Variants in SV2B observed in about 807,000 individuals in gnomAD.
SV2B encodes solute carrier family 22 member B2.
A neutral mutation model predicts 73.9 loss-of-function variants in SV2B; 41 were observed. The observed-to-expected ratio is 0.56, with a 90% CI of 0.43 to 0.72. The LOEUF is 0.72. Among genes scored for constraint, SV2B ranks in the 30% least tolerant of loss-of-function variants. SV2B has a pLI of 0.00. For synonymous variants in SV2B, 314 were observed against 314.2 expected (o/e 1.00, Z 0.01); for missense variants, 764 against 857.8 (o/e 0.89, Z 1.37).
chr15:91,135,644 G>A (rs1488597135), intron 1 of SV2B, among the ~76,000 whole-genome samples: 1 of 152,156 alleles, frequency 6.6e-6, no homozygotes, highest in Non-Finnish European at 1.5e-5. Flanking sequence ...CATCCTGCCT[G>A]CTCATTCATA....
At chr15:91,213,553 G>A (rs927727359) in intron 1 of SV2B, among the ~76,000 whole-genome samples, 4 of 151,794 alleles carry the variant, frequency 2.6e-5, no homozygotes, top group Non-Finnish European at 5.9e-5. Context: ...TCTCCACCTC[G>A]AAGGCAGCAC....
Position 91,239,969 on chromosome 15 carries a change from C to A in SV2B, c.452-11850C>A, listed in dbSNP as rs2046941123. ...TCTTATGGCTTGCCTGGATTAATCA[C>A]TGGCAAGAAGAATTGGATGAAGAGG... On this transcript the variant is annotated intron_variant, in intron 2 of 12. Coordinates refer to ENST00000394232, the MANE Select transcript of SV2B (RefSeq NM_001323032.3). This position sits in a 1 kb window ranked among gnomAD's most constrained non-coding sequence, Gnocchi z 5.1. Among the ~76,000 whole-genome samples, 1 of 152,176 alleles carries A rather than the reference C, an allele frequency of 6.6e-6. No homozygotes were observed. Among genetic ancestry groups the A allele is most frequent in the Non-Finnish European group, 1.5e-5 (1 of 68,038 alleles).
At position 91,234,594 on chromosome 15, in the gene SV2B, C is replaced by T. The variant is rs1177829102; in HGVS notation, c.451+7880C>T. 1.3e-5 allele frequency among the ~76,000 whole-genome samples: 2 copies of T among 152,268 alleles called. No homozygotes were observed. Among genetic ancestry groups the T allele is most frequent in the South Asian group, 2.1e-4 (1 of 4,820 alleles). The stretch of plus-strand genomic sequence containing the variant: ...GAGGTCTACTAAACTCTTACTTGAT[C>T]TGTATAAGAGTAAACTTCTAGGTCA... On this transcript the variant is annotated intron_variant, in intron 2 of 12. Coordinates refer to ENST00000394232, the MANE Select transcript of SV2B (RefSeq NM_001323032.3). This position sits in a 1 kb window ranked among gnomAD's most constrained non-coding sequence, Gnocchi z 5.6.
Position 91,227,623 on chromosome 15 carries a change from A to G in SV2B, c.451+909A>G, listed in dbSNP as rs2046426903. 6.6e-6 allele frequency among the ~76,000 whole-genome samples: 1 copy of G among 152,234 alleles called. No individual in the cohort carries two copies. Among genetic ancestry groups the G allele is most frequent in the Admixed American group, 6.5e-5 (1 of 15,272 alleles). On this transcript the variant is annotated intron_variant, in intron 2 of 12. Coordinates refer to ENST00000394232, the MANE Select transcript of SV2B (RefSeq NM_001323032.3). This position sits in a 1 kb window ranked among gnomAD's most constrained non-coding sequence, Gnocchi z 4.5. ...TATGACCCTCAAGAGCTCAAAATCT[A>G]TCTAGCAATTCAGCTCCTTCATTCA...
At position 91,280,887 on chromosome 15, in the gene SV2B, A is replaced by T. The variant is rs2048662615; in HGVS notation, c.1374-841A>T. The stretch of plus-strand genomic sequence containing the variant: ...GCTCTCCAGATATATTTGGAAGCAT[A>T]TGTATCCATGCCCTTTCTTACCTTA... On this transcript the variant is annotated intron_variant, in intron 9 of 12. Coordinates refer to ENST00000394232, the MANE Select transcript of SV2B (RefSeq NM_001323032.3). The surrounding 1 kb of genome is among the most constrained non-coding windows in gnomAD (Gnocchi z 5.8). Among the ~76,000 whole-genome samples the T allele has an allele frequency of 6.6e-6, 1 of 152,230 alleles. No homozygotes were observed. Among genetic ancestry groups the T allele is most frequent in the Non-Finnish European group, 1.5e-5 (1 of 68,044 alleles).
chr15:91,109,254 A>G (rs1324960517), intron 1 of SV2B, among the ~76,000 whole-genome samples: 4 of 152,226 alleles, frequency 2.6e-5, no homozygotes, highest in African/African-American at 9.6e-5. Context: ...ATTCTTCCAG[A>G]CCGCTGGGGC....
rs1661670730 is a variant in SV2B, at chr15:91,253,105, T to A, written c.784+585T>A. On this transcript the variant is annotated intron_variant, in intron 4 of 12. Transcript: ENST00000394232. This position sits in a 1 kb window ranked among gnomAD's most constrained non-coding sequence, Gnocchi z 5.0. Reference sequence around the variant, plus strand: ...GCCGGGACAATTTTATTTTCCTGGATAATTGTAAACACTATTCTCTGGACA... The same window carrying A: ...GCCGGGACAATTTTATTTTCCTGGAAAATTGTAAACACTATTCTCTGGACA... 2.0e-5 allele frequency among the ~76,000 whole-genome samples: 3 copies of A among 152,240 alleles called. No homozygotes were observed. Among genetic ancestry groups the A allele is most frequent in the Admixed American group, 2.0e-4 (3 of 15,282 alleles).
chr15:91,228,839 AG>A (rs1354145382), intron 2 of SV2B, among the ~76,000 whole-genome samples: 1 of 152,236 alleles, frequency 6.6e-6, no homozygotes, highest in Middle Eastern at 3.2e-3. Context: ...AAATGGATCC[AG>A]GGGGCTGGAT....
intron 1 of SV2B, among the ~76,000 whole-genome samples, chr15:91,189,352 T>A (rs1314698599): frequency 6.6e-6 from 1 of 152,190 alleles, no homozygotes; most frequent in Non-Finnish European, 1.5e-5. Context: ...TGTATACTCA[T>A]AAAATATATG....
chr15:91,297,029 T>G lies in SV2B; in HGVS notation c.*4477T>G, dbSNP rs760291557. 5.0e-5 allele frequency: 2 copies of G among 40,374 alleles called. No homozygotes were observed. The highest frequency in any genetic ancestry group is 9.7e-5 in the Non-Finnish European group (2 of 20,650). The allele number at this position is 40,374 out of a possible 1,614,324, so 2.5% of individuals were successfully genotyped here. A position where few individuals can be genotyped will look rare whatever the true frequency, so the allele number is the denominator to read the frequency against. On this transcript the variant is annotated 3_prime_UTR_variant, in exon 13 of 13. Transcript: ENST00000394232. The surrounding 1 kb of genome is among the most constrained non-coding windows in gnomAD (Gnocchi z 5.1). ...TCTGCCCGATCGTTGGGCGCACGCT[T>G]CTTCTGCCTGATCGTTGGGCGCACG...
At position 91,118,410 on chromosome 15, in the gene SV2B, G is replaced by A. The variant is rs1238008232; in HGVS notation, c.-392+18047G>A. Among the ~76,000 whole-genome samples the A allele has an allele frequency of 6.6e-6, 1 of 152,214 alleles. No individual in the cohort carries two copies. The highest frequency in any genetic ancestry group is 1.9e-4 in the East Asian group (1 of 5,198). ...CCCATGCCAGCAAGAAAGATGGGTG[G>A]TAGTACAGTGCTAAGGGAAGAAAAG... is the stretch of plus-strand genomic sequence containing the variant. On this transcript the variant is annotated intron_variant, in intron 1 of 12. Transcript: ENST00000394232. This position sits in a 1 kb window ranked among gnomAD's most constrained non-coding sequence, Gnocchi z 4.7.
intron 1 of SV2B, among the ~76,000 whole-genome samples, chr15:91,210,813 T>C (rs1677185673): frequency 6.6e-6 from 1 of 152,238 alleles, no homozygotes; most frequent in South Asian, 2.1e-4. Context: ...GAATATCTTA[T>C]GTGTGAAGAG....
Position 91,296,794 on chromosome 15 carries a change from T to A in SV2B, c.*4242T>A, listed in dbSNP as rs2049254877. On this transcript the variant is annotated 3_prime_UTR_variant, in exon 13 of 13. Transcript: ENST00000394232. Reference sequence around the variant, plus strand: ...GAGCACACTCCTTCTGCCCAATCATTGGGCTCACGCTCCTTCTGCCCGATC... The same window carrying A: ...GAGCACACTCCTTCTGCCCAATCATAGGGCTCACGCTCCTTCTGCCCGATC... The A allele has an allele frequency of 6.6e-6, 1 of 152,572 alleles. No individual in the cohort carries two copies. Among genetic ancestry groups the A allele is most frequent in the Non-Finnish European group, 1.4e-5 (1 of 69,148 alleles). The allele number at this position is 152,572 out of a possible 1,614,324, so 9.5% of individuals were successfully genotyped here.
intron 1 of SV2B, among the ~76,000 whole-genome samples, chr15:91,116,413 A>G (rs1187689662): frequency 6.6e-6 from 1 of 152,206 alleles, no homozygotes; most frequent in East Asian, 1.9e-4. Flanking sequence ...GCAGCTGGCA[A>G]TTGTGTAATA....
At chr15:91,177,372 T>C (rs112161329) in intron 1 of SV2B, among the ~76,000 whole-genome samples, 1 of 149,586 alleles carries the variant, frequency 6.7e-6, no homozygotes, top group Admixed American at 6.7e-5. Flanking sequence ...CTTGGCGATG[T>C]GGGCTCTTTT....
intron 1 of SV2B, among the ~76,000 whole-genome samples, chr15:91,167,466 T>C (rs887784933): frequency 6.6e-6 from 1 of 152,218 alleles, no homozygotes; most frequent in African/African-American, 2.4e-5. Context: ...AGAGAATACA[T>C]TTCTTGTCTT....
rs1239446716 is a variant in SV2B, at chr15:91,298,257, T to C, written c.*5705T>C. ...ACTGTGTGTCTTGTGCTATGCTAGG[T>C]CTCTCTCTCTCTAAGTGGACTCTGA... On this transcript the variant is annotated 3_prime_UTR_variant, in exon 13 of 13. Transcript: ENST00000394232. The surrounding 1 kb of genome is among the most constrained non-coding windows in gnomAD (Gnocchi z 5.4). 1 of 152,044 alleles carries C rather than the reference T, an allele frequency of 6.6e-6. No homozygotes were observed. The highest frequency in any genetic ancestry group is 1.5e-5 in the Non-Finnish European group (1 of 68,008). The allele number at this position is 152,044 out of a possible 1,614,324, so 9.4% of individuals were successfully genotyped here.
rs59849012 is a variant in SV2B, at chr15:91,191,063, C to CTTTTTTTTTTTTTTTTTTTTTTTTTTTTT, written c.-391-34789_-391-34788insTTTTTTTTTTTTTTTTTTTTTTTTTTTTT. On this transcript the variant is annotated intron_variant, in intron 1 of 12. Coordinates refer to ENST00000394232, the MANE Select transcript of SV2B (RefSeq NM_001323032.3). ...TACCCTGGTGGTTTTTTTGGTGTTT[C>CTTTTTTTTTTTTTTTTTTTTTTTTTTTTT]TTTTTTTTTTTTTTTTTTTTTGACA... is the stretch of plus-strand genomic sequence containing the variant. 1.4e-4 allele frequency among the ~76,000 whole-genome samples: 9 copies of CTTTTTTTTTTTTTTTTTTTTTTTTTTTTT among 64,238 alleles called. 2 individuals carry two copies. Among genetic ancestry groups the CTTTTTTTTTTTTTTTTTTTTTTTTTTTTT allele is most frequent in the African/African-American group, 3.3e-4 (6 of 18,356 alleles). The allele number at this position is 64,238 out of a possible 152,430, so 42.1% of individuals were successfully genotyped here.
chr15:91,253,763 C>T lies in SV2B; in HGVS notation c.784+1243C>T, dbSNP rs915052289. ...GGAAGTAGAACACACTCACCATTTC[C>T]GCTCACATTCCAGTGGCCCCCAATC... On this transcript the variant is annotated intron_variant, in intron 4 of 12. Coordinates refer to ENST00000394232, the MANE Select transcript of SV2B (RefSeq NM_001323032.3). This position sits in a 1 kb window ranked among gnomAD's most constrained non-coding sequence, Gnocchi z 5.0. Among the ~76,000 whole-genome samples the T allele has an allele frequency of 1.1e-4, 16 of 152,328 alleles. No individual in the cohort carries two copies. Among genetic ancestry groups the T allele is most frequent in the African/African-American group, 1.9e-4 (8 of 41,580 alleles).
Sources: allele counts gnomAD v4.1 joint callset (sites outside exome capture counted in the v4.1 genomes callset), GRCh38; gene constraint gnomAD v4.1.1; non-coding constraint Gnocchi (gnomAD v3.1); transcripts MANE v1.5; gene names NCBI Gene and HGNC (gene_info 2026-07-23, HGNC 2026-07-21).